Variants in SPIDR observed in about 807,000 individuals in gnomAD.
SPIDR encodes DNA repair-scaffolding protein.
In SPIDR, 93 loss-of-function variants were observed where a neutral mutation model predicts 104.6. The observed-to-expected ratio is 0.89, with a 90% CI of 0.75 to 1.06. The LOEUF (loss-of-function observed/expected upper bound fraction) is 1.06. Ranked by LOEUF, SPIDR falls within the 50% of genes least tolerant of loss-of-function variation. SPIDR has a pLI of 0.00. For missense variants in SPIDR, 1,154 were observed against 1,111.2 expected (o/e 1.04, Z -0.55); for synonymous variants, 431 against 416.9 (o/e 1.03, Z -0.41).
intron 7 of SPIDR, among the ~76,000 whole-genome samples, chr8:47,428,584 AT>A (rs1412301083): frequency 6.6e-6 from 1 of 152,042 alleles, no homozygotes; most frequent in African/African-American, 2.4e-5. Flanking sequence ...TTCTCTGGGG[AT>A]TTTTTTATGT....
chr8:47,631,223 G>A (rs1008242830), intron 10 of SPIDR, among the ~76,000 whole-genome samples: 5 of 152,176 alleles, frequency 3.3e-5, no homozygotes, highest in Non-Finnish European at 7.3e-5. Context: ...GTGGGCAGAC[G>A]GGCACCCTAG....
intron 8 of SPIDR, among the ~76,000 whole-genome samples, chr8:47,515,029 A>G (rs917955256): frequency 2.0e-5 from 3 of 152,318 alleles, no homozygotes; most frequent in South Asian, 4.1e-4. Flanking sequence ...AAGTTCAGCA[A>G]AAGGAAGAGC....
At chr8:47,692,166 G>C (rs1359618906) in intron 11 of SPIDR, among the ~76,000 whole-genome samples, 1 of 152,178 alleles carries the variant, frequency 6.6e-6, no homozygotes, top group African/African-American at 2.4e-5. Flanking sequence ...GTAATAGCTT[G>C]ACTGAGATGT....
chr8:47,703,065 T>TCACACCCCTCACCA (rs2080552042), intron 14 of SPIDR, among the ~76,000 whole-genome samples: 1 of 152,164 alleles, frequency 6.6e-6, no homozygotes, highest in Non-Finnish European at 1.5e-5. Flanking sequence ...GATCTGACAC[T>TCACACCCCTCACCA]CACACCCCTC....
intron 10 of SPIDR, among the ~76,000 whole-genome samples, chr8:47,625,416 G>A (rs897852731): frequency 5.9e-5 from 9 of 152,176 alleles, no homozygotes; most frequent in South Asian, 4.1e-4. Context: ...GAAATAAAGG[G>A]TATTCAGTTA....
chr8:47,631,167 A>C lies in SPIDR; in HGVS notation c.1544+31971A>C, dbSNP rs574564876. Among the ~76,000 whole-genome samples the C allele has an allele frequency of 2.0e-5, 3 of 152,258 alleles. No individual in the cohort carries two copies. The South Asian group carries it at 6.2e-4, about 32-fold the overall frequency. On this transcript the variant is annotated intron_variant, in intron 10 of 19. Coordinates refer to ENST00000297423, the MANE Select transcript of SPIDR (RefSeq NM_001080394.4). ...AGAAAATAAGCCCTTTCTCTTTCCAAGTCTCTGCCCTGCCTCATGCAACCC... is the reference window on the plus strand; with the variant it reads ...AGAAAATAAGCCCTTTCTCTTTCCACGTCTCTGCCCTGCCTCATGCAACCC...
intron 1 of SPIDR, among the ~76,000 whole-genome samples, chr8:47,275,437 A>G (rs2036220179): frequency 6.6e-6 from 1 of 152,154 alleles, no homozygotes; most frequent in African/African-American, 2.4e-5. Context: ...CATTAGTTTT[A>G]CATGGGTGTG....
At chr8:47,551,101 T>G (rs2090385917) in intron 8 of SPIDR, among the ~76,000 whole-genome samples, 1 of 152,228 alleles carries the variant, frequency 6.6e-6, no homozygotes, top group Admixed American at 6.5e-5. Context: ...GAACCAGCCT[T>G]GCATCCCAGG....
At chr8:47,677,856 A>T (rs2076633194) in intron 11 of SPIDR, among the ~76,000 whole-genome samples, 1 of 152,222 alleles carries the variant, frequency 6.6e-6, no homozygotes, top group African/African-American at 2.4e-5. Context: ...ATCTGTGGAG[A>T]CAAATGTAGG....
chr8:47,392,961 T>C lies in SPIDR; in HGVS notation c.526-3415T>C, dbSNP rs148868518. 2.0e-4 allele frequency among the ~76,000 whole-genome samples: 31 copies of C among 152,352 alleles called. No homozygotes were observed. The East Asian group carries it at 6.0e-3, about 29-fold the overall frequency. On this transcript the variant is annotated intron_variant, in intron 5 of 19. Transcript: ENST00000297423. ...AGTCTCTTGTCACCTGAAGACAGCA[T>C]GAATGTTGTTGCTATTTCCAAGGTT...
chr8:47,478,477 A>C (rs1554724919), intron 8 of SPIDR, among the ~76,000 whole-genome samples: 1 of 152,130 alleles, frequency 6.6e-6, no homozygotes, highest in Non-Finnish European at 1.5e-5. Flanking sequence ...TTCTTGGTTG[A>C]GTGCAGATGA....
intron 14 of SPIDR, among the ~76,000 whole-genome samples, chr8:47,706,468 G>A (rs996768895): frequency 7.2e-5 from 11 of 152,128 alleles, no homozygotes; most frequent in African/African-American, 7.2e-5. Flanking sequence ...CAGCAGCCAC[G>A]TGTGCACTCT....
chr8:47,348,811 G>C (rs1554620243), intron 5 of SPIDR, among the ~76,000 whole-genome samples: 7 of 152,070 alleles, frequency 4.6e-5, no homozygotes, highest in Non-Finnish European at 1.0e-4. Flanking sequence ...GTTCATTTAA[G>C]GTCTTCTCTG....
chr8:47,602,563 C>T (rs1018576904), intron 10 of SPIDR, among the ~76,000 whole-genome samples: 1 of 152,176 alleles, frequency 6.6e-6, no homozygotes, highest in African/African-American at 2.4e-5. Context: ...CCCTTCCCCA[C>T]CCAGCCCAGG....
At chr8:47,664,554 C>G (rs1055901446) in intron 10 of SPIDR, among the ~76,000 whole-genome samples, 2 of 151,880 alleles carry the variant, frequency 1.3e-5, no homozygotes, top group Non-Finnish European at 2.9e-5. Context: ...GTGAAAAATT[C>G]ACCAGAAGGG....
At chr8:47,274,436 T>A (rs2035953803) in intron 1 of SPIDR, among the ~76,000 whole-genome samples, 1 of 152,220 alleles carries the variant, frequency 6.6e-6, no homozygotes, top group Non-Finnish European at 1.5e-5. Context: ...AGATACATTC[T>A]CCAGTATCTT....
intron 8 of SPIDR, among the ~76,000 whole-genome samples, chr8:47,594,337 C>T (rs1025453303): frequency 2.0e-5 from 3 of 151,532 alleles, no homozygotes; most frequent in African/African-American, 4.9e-5. Flanking sequence ...ATCGTGCCCC[C>T]AGCTGGGCGA....
At chr8:47,383,190 G>A (rs2059521446) in intron 5 of SPIDR, among the ~76,000 whole-genome samples, 1 of 152,152 alleles carries the variant, frequency 6.6e-6, no homozygotes, top group African/African-American at 2.4e-5. Flanking sequence ...CCTGCCAGGT[G>A]CTCTGTGTCT....
At chr8:47,325,752 T>A (rs2047548385) in intron 5 of SPIDR, among the ~76,000 whole-genome samples, 1 of 152,168 alleles carries the variant, frequency 6.6e-6, no homozygotes, top group African/African-American at 2.4e-5. Context: ...AGTGGAGGAC[T>A]CTTCTGGGCA....
Sources: allele counts gnomAD v4.1 joint callset (sites outside exome capture counted in the v4.1 genomes callset), GRCh38; gene constraint gnomAD v4.1.1; transcripts MANE v1.5; gene names NCBI Gene and HGNC (gene_info 2026-07-23, HGNC 2026-07-21).